Variants in CELA3B observed in about 807,000 individuals in gnomAD.
CELA3B encodes chymotrypsin like elastase 3B.
A neutral mutation model predicts 37.2 loss-of-function variants in CELA3B; 34 were observed. The ratio of observed to expected loss-of-function variants is 0.91; its 90% CI spans 0.70 to 1.22. CELA3B has a LOEUF of 1.22. Ranked by LOEUF, CELA3B falls within the 50% of genes most tolerant of loss-of-function variation. The pLI is 0.00. For missense variants in CELA3B, 340 were observed against 363.1 expected (o/e 0.94, Z 0.52); for synonymous variants, 127 against 143.5 (o/e 0.89, Z 0.82).
chr1:21,977,317 G>T (rs1644778411), intron 1 of CELA3B, among the ~76,000 whole-genome samples: 2 of 152,122 alleles, frequency 1.3e-5, no homozygotes, highest in Non-Finnish European at 2.9e-5. Flanking sequence ...GTCCTTGATG[G>T]GGGCAGTAAA....
chr1:21,979,295 C>T (rs1644790397), intron 2 of CELA3B, among the ~76,000 whole-genome samples: 1 of 151,742 alleles, frequency 6.6e-6, no homozygotes, highest in Admixed American at 6.6e-5. Flanking sequence ...CAGTCTGGAA[C>T]TTGTGACCTC....
At chr1:21,994,094 C>T (rs1351884683), downstream of CELA3B, among the ~76,000 whole-genome samples, 2 of 151,706 alleles carry the variant, frequency 1.3e-5, no homozygotes, top group Non-Finnish European at 2.9e-5. Context: ...CTGCAGGAAT[C>T]TCCAGCCCCA....
chr1:21,986,791 T>G (rs1199115068), intron 7 of CELA3B, 108 bp downstream of exon 7: 13 of 1,286,956 alleles, frequency 1.0e-5, no homozygotes, highest in Non-Finnish European at 1.3e-5. Flanking sequence ...TCCTAGAAGC[T>G]CAGTGGGGAA....
chr1:21,988,911 A>AATAT (rs137938816), intron 7 of CELA3B, among the ~76,000 whole-genome samples: 1 of 150,426 alleles, frequency 6.6e-6, no homozygotes, highest in Admixed American at 6.6e-5. Context: ...AAACTCCAAA[A>AATAT]ATATATATTT....
chr1:21,987,635 A>C (rs961496787), intron 7 of CELA3B: 8 of 151,108 alleles, frequency 5.3e-5, no homozygotes, highest in Non-Finnish European at 1.2e-4. Context: ...GGGAGTGGGG[A>C]CCACCAGGTG....
rs753024020 is a variant in CELA3B at position 21,980,889 on chromosome 1, C to T, written c.195C>T (p.Pro65=). The T allele has an allele frequency of 1.6e-5, 26 of 1,613,034 alleles. No individual in the cohort carries two copies. In the East Asian group the frequency reaches 1.8e-4, roughly 11 times the overall value. ...CCTGTGGCGGTAGCCTCATCGCCCC[C>T]GACTGGGTTGTGACTGCCGGCCACT... The part of the protein sequence containing the change: ...YHTCGGSLIA[P]DWVVTAGHCI... Residue 65 remains proline (P), a synonymous_variant, in exon 3 of 8, where the codon CCC becomes CCT. Coordinates refer to ENST00000337107, the MANE Select transcript of CELA3B (RefSeq NM_007352.4).
intron 4 of CELA3B, among the ~76,000 whole-genome samples, chr1:21,983,250 G>GAA (rs1411691791): frequency 2.0e-4 from 30 of 152,302 alleles, no homozygotes; most frequent in Middle Eastern, 3.4e-3. Flanking sequence ...AGCTACTCAG[G>GAA]AGGCTGAGGC....
In CELA3B at chr1:21,981,545, A is replaced by G. The variant is rs1223060237; in HGVS notation, c.362+373A>G. On this transcript the variant is annotated intron_variant, in intron 4 of 7. Coordinates refer to ENST00000337107, the MANE Select transcript of CELA3B (RefSeq NM_007352.4). ...CTGGGCTCCCAGCACTATGGGCACA[A>G]GGAGGAGCACTGGGCTGAGAGTCAG... 3.3e-5 allele frequency among the ~76,000 whole-genome samples: 5 copies of G among 151,734 alleles called. No individual in the cohort carries two copies. In the East Asian group the frequency reaches 9.8e-4, roughly 30 times the overall value.
chr1:21,998,173 C>T (rs1326330988), exon 5 of CELA3B: 1 of 470,194 alleles, frequency 2.1e-6, no homozygotes, highest in African/African-American at 2.0e-5. Context: ...AACAAGGCAC[C>T]AGAGTCCCGG....
intron 3 of CELA3B, 37 bp downstream of exon 3, chr1:21,980,958 G>A: frequency 1.9e-6 from 3 of 1,614,114 alleles, no homozygotes; most frequent in Non-Finnish European, 2.5e-6. Flanking sequence ...GTGGCCCCGG[G>A]CAGCTGGGGA....
intron 4 of CELA3B, among the ~76,000 whole-genome samples, chr1:21,981,674 G>A (rs1569838769): frequency 6.6e-6 from 1 of 152,026 alleles, no homozygotes; most frequent in Non-Finnish European, 1.5e-5. Flanking sequence ...GGCCTCCCGG[G>A]TGGTTGTGAA....
intron 2 of CELA3B, among the ~76,000 whole-genome samples, chr1:21,980,539 C>G (rs4387150): frequency 0.48 from 65,778 of 138,082 alleles, 18,141 homozygotes; most frequent in Middle Eastern, 0.69. Context: ...TTCAAGGGCT[C>G]TCAAGAAACA....
At position 21,982,545 on chromosome 1, in the gene CELA3B, C is replaced by T. The variant is rs141520507; in HGVS notation, c.363-1149C>T. The stretch of plus-strand genomic sequence containing the variant: ...CCAGGAGGTGGAGGTTGTAGTGAGC[C>T]GAGATCGTGCCATTACACTCCAGCC... On this transcript the variant is annotated intron_variant, in intron 4 of 7. Coordinates refer to ENST00000337107, the MANE Select transcript of CELA3B (RefSeq NM_007352.4). 8.0e-3 allele frequency among the ~76,000 whole-genome samples: 1,212 copies of T among 151,718 alleles called. 16 individuals carry two copies. The highest frequency in any genetic ancestry group is 0.027 in the African/African-American group (1,135 of 41,404).
chr1:21,998,620 G>A (rs1644900982), exon 5 of CELA3B: 1 of 155,774 alleles, frequency 6.4e-6, no homozygotes, highest in Admixed American at 6.2e-5. Flanking sequence ...TTGTCTCCTT[G>A]AATAAATGCT....
At chr1:21,978,293 C>T (rs923715464) in intron 1 of CELA3B, 76 bp from the exon 2 acceptor site, 1 of 1,555,126 alleles carries the variant, frequency 6.4e-7, no homozygotes, top group Non-Finnish European at 8.9e-7. Context: ...GAAGGCACGG[C>T]TTGGACTGGG....
chr1:21,998,405 T>C lies in CELA3B; in HGVS notation c.*216T>C, dbSNP rs529304832. On this transcript the variant is annotated 3_prime_UTR_variant, in exon 5 of 5. Transcript: ENST00000400277. ...CCCCCGCCCCATGGGGGCTCCGTTC[T>C]AGTGGGTCCATTTATCATCAAACAT... 2.3e-4 allele frequency: 74 copies of C among 328,142 alleles called. 5 individuals are homozygous for C. The highest frequency in any genetic ancestry group is 1.5e-3 in the African/African-American group (70 of 45,800). 20.3% of individuals were successfully genotyped at this position (328,142 alleles called of 1,614,324 possible). A position where few individuals can be genotyped will look rare whatever the true frequency, so the allele number is the denominator to read the frequency against.
Position 21,986,523 on chromosome 1 carries a change from G to T in CELA3B, c.643-8G>T, listed in dbSNP as rs780681001. Reference sequence around the variant, plus strand: ...GCTCAGCCACCCACACCTCTCTGACGGTTCCAGGGTGACTCTGGAGGACCC... The same window carrying T: ...GCTCAGCCACCCACACCTCTCTGACTGTTCCAGGGTGACTCTGGAGGACCC... On this transcript the variant is annotated splice_polypyrimidine_tract_variant and splice_region_variant and intron_variant, in intron 6 of 7. Transcript: ENST00000337107. 5 of 1,613,452 alleles carry T rather than the reference G, an allele frequency of 3.1e-6. No individual in the cohort carries two copies. Among genetic ancestry groups the T allele is most frequent in the Non-Finnish European group, 3.4e-6 (4 of 1,179,942 alleles).
At chr1:21,994,454 G>A (rs1401431979) in intron 4 of CELA3B, among the ~76,000 whole-genome samples, 1 of 150,372 alleles carries the variant, frequency 6.7e-6, no homozygotes, top group African/African-American at 2.5e-5. Context: ...CTTCCCTGCT[G>A]GCTTCTCTGC....
chr1:21,984,413 A>T (rs1644826223), intron 6 of CELA3B, 82 bp downstream of exon 6: 3 of 1,549,846 alleles, frequency 1.9e-6, no homozygotes, highest in Non-Finnish European at 2.6e-6. Context: ...AGGTGGAGGA[A>T]GGATCTTGCC....
Sources: gnomAD v4.1 joint callset for allele counts (sites outside exome capture counted in the v4.1 genomes callset) on GRCh38, gnomAD v4.1.1 for gene constraint, MANE v1.5 for transcripts, NCBI Gene and HGNC (gene_info 2026-07-23, HGNC 2026-07-21) for gene names.